The following LMF2 variants were observed in gnomAD, a reference collection of about 807,000 sequenced individuals.
The protein encoded by LMF2 is lipase maturation factor 2, also known as transmembrane protein 112B.
A neutral mutation model predicts 81.5 loss-of-function variants in LMF2; 113 were observed. The ratio of observed to expected loss-of-function variants is 1.39; its 90% CI spans 1.19 to 1.62. The LOEUF is 1.62. Among genes scored for constraint, LMF2 ranks in the 40% most tolerant of loss-of-function variants. The pLI, the probability that LMF2 is intolerant of heterozygous loss-of-function variation, is 0.00. For missense variants in LMF2, 1,235 were observed against 929.1 expected, an observed-to-expected ratio of 1.33 and a Z score of -4.28; for synonymous variants, 645 against 424.5, an observed-to-expected ratio of 1.52 and a Z score of -6.39.
intron 11 of LMF2, 44 bp from the exon 12 acceptor site, chr22:50,504,495 G>GCCCCCCCCCCCCCCCCCCC: frequency 1.5e-6 from 2 of 1,339,590 alleles, no homozygotes; most frequent in Non-Finnish European, 1.0e-6. Context: ...TACCCGCCCT[G>GCCCCCCCCCCCCCCCCCCC]CCCCTCCCCT....
At position 50,507,017 on chromosome 22, in the gene LMF2, C is replaced by G; in HGVS notation, c.113G>C (p.Gly38Ala). ...TQIPGLYGPE[G>A]ILPARRTLRP... ...CAGCGTCCTCCTTGCAGGTAGGATG[C>G]CCTCGGGGCCATACAGGCCTGTGGG... The change falls in exon 2 of 14, where the codon GGC becomes GCC. Residue 38 changes from glycine (G) to alanine (A), a missense_variant. Transcript: ENST00000474879. 1 of 1,595,330 alleles carries G rather than the reference C, an allele frequency of 6.3e-7. No homozygotes were observed. The highest frequency in any genetic ancestry group is 8.5e-7 in the Non-Finnish European group (1 of 1,178,316).
rs936453477 is a variant in LMF2, at chr22:50,507,457, C to T, written c.94+125G>A. On this transcript the variant is annotated intron_variant, in intron 1 of 13. Transcript: ENST00000474879. ...GGCCTGCAGGACACGAACCGCCGCCCCCTACCCCACGCCAAGGCCTGGCCC... is the reference window on the plus strand; with the variant it reads ...GGCCTGCAGGACACGAACCGCCGCCTCCTACCCCACGCCAAGGCCTGGCCC... 2.4e-5 allele frequency: 19 copies of T among 783,078 alleles called. No individual in the cohort carries two copies. The African/African-American group carries it at 3.3e-4, about 13-fold the overall frequency. 48.5% of individuals were successfully genotyped at this position (783,078 alleles called of 1,614,324 possible).
At chr22:50,505,889 C>G in intron 5 of LMF2, 74 bp from the exon 6 acceptor site, 1 of 1,593,438 alleles carries the variant, frequency 6.3e-7, no homozygotes, top group Middle Eastern at 1.8e-4. Context: ...CTCCACCCTG[C>G]AGGGTGCATC....
intron 11 of LMF2, 41 bp downstream of exon 11, chr22:50,504,518 C>T (rs1245092510): frequency 6.7e-7 from 1 of 1,500,274 alleles, no homozygotes; most frequent in Non-Finnish European, 9.0e-7. Context: ...CCACCCCGCT[C>T]CACCCCAGCC....
Position 50,504,994 on chromosome 22 carries a change from G to A in LMF2, c.1255-10C>T, listed in dbSNP as rs762669. 293,446 of 1,610,054 alleles carry A rather than the reference G, an allele frequency of 0.18. 28,556 individuals are homozygous for A. The highest frequency in any genetic ancestry group is 0.2 in the Non-Finnish European group (239,308 of 1,177,836). ...CGTAGGAGTACGGCACCTGGAGACA[G>A]GTGGGAGGTTCTCAGGGCTGCCCTG... On this transcript the variant is annotated splice_polypyrimidine_tract_variant and intron_variant, in intron 9 of 13. Coordinates refer to ENST00000474879, the MANE Select transcript of LMF2 (RefSeq NM_033200.3).
intron 5 of LMF2, 82 bp downstream of exon 5, chr22:50,505,953 G>T: frequency 6.4e-7 from 1 of 1,558,968 alleles, no homozygotes; most frequent in East Asian, 2.3e-5. Flanking sequence ...CGGGAGCCAC[G>T]CTGTCCCCAA....
Position 50,503,591 on chromosome 22 carries a change from G to GC in LMF2, c.1923dup (p.Leu642AlafsTer58), listed in dbSNP as rs759281153. ...CTGACAGCCCCCACGGCCATGAGGA[G>GC]CCCCCAGAGCAGGGCGGGGGCCTCC... is the stretch of plus-strand genomic sequence containing the variant. On this transcript the variant is annotated frameshift_variant, in exon 14 of 14. Transcript: ENST00000474879. LOFTEE classifies it low-confidence loss of function (END_TRUNC). 2 of 1,545,806 alleles carry GC rather than the reference G, an allele frequency of 1.3e-6. No homozygotes were observed. Among genetic ancestry groups the GC allele is most frequent in the Non-Finnish European group, 1.7e-6 (2 of 1,148,522 alleles).
chr22:50,506,719 G>A (rs746470574), intron 2 of LMF2, 53 bp from the exon 3 acceptor site: 41 of 1,613,094 alleles, frequency 2.5e-5, no homozygotes, highest in Non-Finnish European at 3.4e-5. Flanking sequence ...CTCAGGTAAG[G>A]TAGAGGCAGG....
Position 50,504,602 on chromosome 22 carries a change from C to T in LMF2, c.1563G>A (p.Trp521Ter), listed in dbSNP as rs1204361747. ...AALGPHTHSPWFTSLVLRLLQ... is the reference protein window; with the variant it reads ...AALGPHTHSP ...GCAGGCGCAAGACCAGGCTTGTGAA[C>T]CACGGGCTGTGCGTGTGTGGGCCCA... The change falls in exon 11 of 14, where the codon TGG (tryptophan) becomes TGA (stop). Residue 521 changes from tryptophan to a stop codon, truncating the protein, a stop_gained. Coordinates refer to ENST00000474879, the MANE Select transcript of LMF2 (RefSeq NM_033200.3). LOFTEE classifies it high-confidence loss of function. The T allele has an allele frequency of 6.2e-7, 1 of 1,604,412 alleles. No homozygotes were observed. The highest frequency in any genetic ancestry group is 8.5e-7 in the Non-Finnish European group (1 of 1,178,260).
chr22:50,503,642 A>G lies in LMF2; in HGVS notation c.1873T>C (p.Trp625Arg), dbSNP rs1168246373. 2 of 1,383,268 alleles carry G rather than the reference A, an allele frequency of 1.4e-6. No homozygotes were observed. Among genetic ancestry groups the G allele is most frequent in the Admixed American group, 4.0e-5 (2 of 50,520 alleles). 85.7% of individuals were successfully genotyped at this position (1,383,268 alleles called of 1,614,324 possible). A position where few individuals can be genotyped will look rare whatever the true frequency, so the allele number is the denominator to read the frequency against. ...ANSTLAQALH[W>R]TRSQLSPLEA... is the part of the protein sequence containing the mutation. ...AGGGGAGACAGCTGAGAGCGAGTCC[A>G]GTGGAGGGCCTGGGCCAGGGTGCTG... Residue 625 changes from tryptophan (W) to arginine (R), a missense_variant, in exon 14 of 14, where the codon TGG becomes CGG. Physicochemically the swap from Trp to Arg is moderately radical, Grantham distance 101. Transcript: ENST00000474879.
chr22:50,506,002 T>C, intron 5 of LMF2, 33 bp downstream of exon 5: 1 of 1,568,116 alleles, frequency 6.4e-7, no homozygotes, highest in Middle Eastern at 1.7e-4. Context: ...GAGCCCTGTC[T>C]GCCTCTCTCT....
chr22:50,505,870 G>A (rs2068549709), intron 5 of LMF2, 55 bp from the exon 6 acceptor site: 7 of 1,604,202 alleles, frequency 4.4e-6, no homozygotes, highest in Admixed American at 1.7e-5. Context: ...CCCCGTGGCA[G>A]GCACCCACCT....
intron 5 of LMF2, 60 bp downstream of exon 5, chr22:50,505,975 G>A (rs906295496): frequency 7.7e-6 from 12 of 1,559,448 alleles, no homozygotes; most frequent in African/African-American, 1.4e-5. Context: ...AGGGCACGCT[G>A]AGCAGCGCTG....
At chr22:50,505,925 G>A (rs1385313337) in intron 5 of LMF2, 110 bp from the exon 6 acceptor site, 58 of 1,571,722 alleles carry the variant, frequency 3.7e-5, no homozygotes, top group Non-Finnish European at 3.8e-5. Flanking sequence ...CTTCCCAACA[G>A]CGGTTGCCAG....
chr22:50,505,305 G>A lies in LMF2; in HGVS notation c.1081C>T (p.Leu361=), dbSNP rs150293650. The change falls in exon 8 of 14, where the codon CTG becomes TTG. Residue 361 remains leucine, a synonymous_variant. Transcript: ENST00000474879. ...ACAGTGGGCAGCGTCAGTGTCTTCAGCCACTGAGAAAACTGGTGGAAGGTG... is the reference window on the plus strand; with the variant it reads ...ACAGTGGGCAGCGTCAGTGTCTTCAACCACTGAGAAAACTGGTGGAAGGTG... ...TFTFHQFSQW[L]KTLTLPTVWL... is the part of the protein sequence containing the mutation. The A allele has an allele frequency of 8.1e-6, 13 of 1,613,224 alleles. No individual in the cohort carries two copies. Among genetic ancestry groups the A allele is most frequent in the East Asian group, 4.5e-5 (2 of 44,906 alleles).
In LMF2 at chr22:50,503,689, G is replaced by A. The variant is rs759131194; in HGVS notation, c.1826C>T (p.Pro609Leu). Reference sequence around the variant, plus strand: ...GCTGTTGGCGCTGCGGGTGCGAGGTGGGCTTTTCTCCTGTGGGAGGGAGGG... The same window carrying A: ...GCTGTTGGCGCTGCGGGTGCGAGGTAGGCTTTTCTCCTGTGGGAGGGAGGG... ...LRQFGLQEKS[P>L]PRTRSANSTL... The change falls in exon 14 of 14, where the codon CCA becomes CTA. Residue 609 changes from proline to leucine, a missense_variant. Coordinates refer to ENST00000474879, the MANE Select transcript of LMF2 (RefSeq NM_033200.3). 5 of 1,591,150 alleles carry A rather than the reference G, an allele frequency of 3.1e-6. No individual in the cohort carries two copies. Among genetic ancestry groups the A allele is most frequent in the South Asian group, 1.1e-5 (1 of 89,890 alleles).
Position 50,506,922 on chromosome 22 carries a change from G to C in LMF2, c.208C>G (p.Leu70Val), listed in dbSNP as rs1294495751. 1 of 1,581,718 alleles carries C rather than the reference G, an allele frequency of 6.3e-7. No homozygotes were observed. Among genetic ancestry groups the C allele is most frequent in the Non-Finnish European group, 8.6e-7 (1 of 1,166,402 alleles). ...TPTLLWEAPR[L>V]GLDTAQGLEL... Reference sequence around the variant, plus strand: ...AGGCCCTGGGCCGTGTCCAGCCCCAGTCTCGGCGCTTCCCACAGCAGCGTC... The same window carrying C: ...AGGCCCTGGGCCGTGTCCAGCCCCACTCTCGGCGCTTCCCACAGCAGCGTC... Residue 70 changes from leucine to valine, a missense_variant, in exon 2 of 14, where the codon CTG becomes GTG. Leu to Val is a conservative substitution (Grantham distance 32, BLOSUM62 1). Transcript: ENST00000474879.
chr22:50,503,404 C>T lies in LMF2; in HGVS notation c.2111G>A (p.Arg704Gln), dbSNP rs144342127. Residue 704 changes from arginine (R) to glutamine (Q), a missense_variant, in exon 14 of 14, where the codon CGG becomes CAG. Arg to Gln is a conservative substitution (Grantham distance 43). Coordinates refer to ENST00000474879, the MANE Select transcript of LMF2 (RefSeq NM_033200.3). The stretch of plus-strand genomic sequence containing the variant: ...GGGAGAACACAGCTACTTCTTTCGC[C>T]GGGTGGTCCTCGAACTACTGGAGCA... ...NPCSSSSRTT[R>Q]RKK 32 of 1,610,224 alleles carry T rather than the reference C, an allele frequency of 2.0e-5. No homozygotes were observed. Among genetic ancestry groups the T allele is most frequent in the Admixed American group, 3.4e-5 (2 of 59,218 alleles).
intron 5 of LMF2, 72 bp downstream of exon 5, chr22:50,505,963 A>G: frequency 6.4e-7 from 1 of 1,561,130 alleles, no homozygotes; most frequent in Non-Finnish European, 8.7e-7. Flanking sequence ...GCTGTCCCCA[A>G]CAGGGCACGC....
Sources: gnomAD v4.1 joint callset for allele counts on GRCh38, gnomAD v4.1.1 for gene constraint, MANE v1.5 for transcripts, NCBI Gene and HGNC (gene_info 2026-07-23, HGNC 2026-07-21) for gene names.